DOK6: variants seen among roughly 807,000 people sequenced by gnomAD.
DOK6 encodes docking protein 6, also known as downstream of tyrosine kinase 6.
DOK6 carries 22 observed loss-of-function variants against 44.0 expected under a neutral mutation model. That is an observed-to-expected ratio of 0.50 (90% confidence interval 0.36 to 0.71). The LOEUF (loss-of-function observed/expected upper bound fraction) is 0.71. Among genes scored for constraint, DOK6 ranks in the 30% least tolerant of loss-of-function variants. DOK6 has a pLI of 0.00. For synonymous variants in DOK6, 166 were observed against 145.5 expected, an observed-to-expected ratio of 1.14 and a Z score of -1.01; for missense variants, 340 against 416.4, an observed-to-expected ratio of 0.82 and a Z score of 1.60.
intron 6 of DOK6, among the ~76,000 whole-genome samples, chr18:69,743,437 C>T (rs1399992008): frequency 6.6e-6 from 1 of 152,132 alleles, no homozygotes; most frequent in Admixed American, 6.5e-5. Context: ...ATCACAAATG[C>T]TCCCATGTGA....
chr18:69,521,382 A>G (rs1357531528), intron 1 of DOK6, among the ~76,000 whole-genome samples: 1 of 151,746 alleles, frequency 6.6e-6, no homozygotes, highest in Admixed American at 6.6e-5. Context: ...TTCTGGCAGT[A>G]TTTTAACCAA....
intron 1 of DOK6, among the ~76,000 whole-genome samples, chr18:69,464,478 A>G (rs1038901840): frequency 6.6e-6 from 1 of 152,184 alleles, no homozygotes; most frequent in Non-Finnish European, 1.5e-5. Context: ...TATTTATTTA[A>G]TTGGACTTTA....
intron 3 of DOK6, among the ~76,000 whole-genome samples, chr18:69,641,443 T>C (rs1366976322): frequency 6.6e-6 from 1 of 152,218 alleles, no homozygotes; most frequent in East Asian, 1.9e-4. Flanking sequence ...AAAAATTGGA[T>C]AAAAATTTAG....
At chr18:69,727,568 G>A (rs1439773400) in intron 5 of DOK6, among the ~76,000 whole-genome samples, 1 of 152,102 alleles carries the variant, frequency 6.6e-6, no homozygotes, top group East Asian at 1.9e-4. Flanking sequence ...CAGAAACTTA[G>A]AAAAAATATT....
chr18:69,757,352 A>G (rs924192593), intron 6 of DOK6, among the ~76,000 whole-genome samples: 1 of 152,222 alleles, frequency 6.6e-6, no homozygotes, highest in African/African-American at 2.4e-5. Flanking sequence ...AGCAGCTGGC[A>G]CCTTTACTTT....
At chr18:69,648,127 T>C (rs185354422) in intron 3 of DOK6, among the ~76,000 whole-genome samples, 1 of 152,326 alleles carries the variant, frequency 6.6e-6, no homozygotes, top group Admixed American at 6.5e-5. Context: ...TTTTTGTTTT[T>C]TACGTTACAC....
intron 1 of DOK6, among the ~76,000 whole-genome samples, chr18:69,524,990 A>C (rs1431752631): frequency 2.0e-5 from 3 of 151,786 alleles, no homozygotes; most frequent in African/African-American, 7.2e-5. Context: ...GTAAAAAAAC[A>C]TTAATTTTTG....
rs551112075 is a variant in DOK6 at position 69,804,375 on chromosome 18, A to G, written c.857-36869A>G. 3.3e-4 allele frequency among the ~76,000 whole-genome samples: 51 copies of G among 152,332 alleles called. No homozygotes were observed. The South Asian group carries it at 7.2e-3, about 22-fold the overall frequency. On this transcript the variant is annotated intron_variant, in intron 7 of 7. Transcript: ENST00000382713. ...AGGTTTAGAAAATCTCCTTTCAATT[A>G]TATTGACAAATGGTTTAATTCTTCA...
At chr18:69,444,294 A>G (rs2122446677) in intron 1 of DOK6, among the ~76,000 whole-genome samples, 1 of 152,292 alleles carries the variant, frequency 6.6e-6, no homozygotes, top group Non-Finnish European at 1.5e-5. Flanking sequence ...AAACTATTGT[A>G]GCATTATCTC....
chr18:69,425,311 GCTAC>G (rs1340116901), intron 1 of DOK6, among the ~76,000 whole-genome samples: 1 of 151,812 alleles, frequency 6.6e-6, no homozygotes, highest in East Asian at 1.9e-4. Context: ...TTGTCACAGT[GCTAC>G]CTGCTACTTA....
At chr18:69,714,245 G>C (rs1986832707) in intron 5 of DOK6, among the ~76,000 whole-genome samples, 1 of 152,188 alleles carries the variant, frequency 6.6e-6, no homozygotes, top group Non-Finnish European at 1.5e-5. Flanking sequence ...ACAAACTACA[G>C]TTGGGATATT....
chr18:69,824,115 T>C (rs957163304), intron 7 of DOK6, among the ~76,000 whole-genome samples: 4 of 151,874 alleles, frequency 2.6e-5, no homozygotes, highest in Non-Finnish European at 4.4e-5. Flanking sequence ...TACATATGTA[T>C]ACATGTGCCA....
At chr18:69,496,586 G>GT (rs756265730) in intron 1 of DOK6, among the ~76,000 whole-genome samples, 1 of 152,174 alleles carries the variant, frequency 6.6e-6, no homozygotes, top group Non-Finnish European at 1.5e-5. Context: ...TGGACACAAT[G>GT]TTTTTTCTGT....
At chr18:69,444,916 T>C (rs1022722241) in intron 1 of DOK6, among the ~76,000 whole-genome samples, 1 of 152,182 alleles carries the variant, frequency 6.6e-6, no homozygotes, top group African/African-American at 2.4e-5. Flanking sequence ...AGATCACTTG[T>C]GGCAGTGGGG....
At chr18:69,742,423 A>T (rs1236984025) in intron 6 of DOK6, among the ~76,000 whole-genome samples, 1 of 146,718 alleles carries the variant, frequency 6.8e-6, no homozygotes. Context: ...TCAAAAAAAA[A>T]AAAAAGAAAA....
chr18:69,611,665 T>C (rs1353763010), intron 3 of DOK6, among the ~76,000 whole-genome samples: 1 of 152,204 alleles, frequency 6.6e-6, no homozygotes, highest in African/African-American at 2.4e-5. Flanking sequence ...ACTCAATATA[T>C]GCAGCAGCCT....
intron 1 of DOK6, among the ~76,000 whole-genome samples, chr18:69,535,382 C>T (rs779173078): frequency 8.6e-5 from 13 of 151,858 alleles, no homozygotes; most frequent in Non-Finnish European, 1.8e-4. Context: ...ATTCATGTTA[C>T]GGTTGACTAA....
At chr18:69,832,245 T>G (rs1192355250) in intron 7 of DOK6, among the ~76,000 whole-genome samples, 2 of 152,196 alleles carry the variant, frequency 1.3e-5, no homozygotes, top group Non-Finnish European at 2.9e-5. Context: ...AATGAAGCAA[T>G]GTAGAACTTT....
intron 7 of DOK6, among the ~76,000 whole-genome samples, chr18:69,822,768 T>C (rs1225105637): frequency 6.6e-6 from 1 of 152,196 alleles, no homozygotes. Context: ...AAACGTTCAT[T>C]TTCTCACTAA....
Sources: gnomAD v4.1 joint callset for allele counts (sites outside exome capture counted in the v4.1 genomes callset) on GRCh38, gnomAD v4.1.1 for gene constraint, MANE v1.5 for transcripts, NCBI Gene and HGNC (gene_info 2026-07-23, HGNC 2026-07-21) for gene names.